Variants in WWP1 observed in about 807,000 individuals in gnomAD.
WWP1 encodes the protein WW domain containing E3 ubiquitin protein ligase 1.
In WWP1, 49 loss-of-function variants were observed where a neutral mutation model predicts 130.6. The observed-to-expected ratio is 0.38, with a 90% CI of 0.30 to 0.48. The LOEUF (loss-of-function observed/expected upper bound fraction) is 0.48. Among genes scored for constraint, WWP1 ranks in the 20% least tolerant of loss-of-function variants. The pLI, the probability that WWP1 is intolerant of heterozygous loss-of-function variation, is 0.99. For missense variants in WWP1, 809 were observed against 1,100.6 expected (o/e 0.74, Z 3.75); for synonymous variants, 332 against 367.8 (o/e 0.90, Z 1.11).
Position 86,432,563 on chromosome 8 carries a change from A to G in WWP1, c.1601+820A>G, listed in dbSNP as rs555442897. 1.4e-4 allele frequency among the ~76,000 whole-genome samples: 21 copies of G among 149,818 alleles called. No individual in the cohort carries two copies. The East Asian group carries it at 3.9e-3, about 28-fold the overall frequency. On this transcript the variant is annotated intron_variant, in intron 14 of 24. Coordinates refer to ENST00000517970, the MANE Select transcript of WWP1 (RefSeq NM_007013.4). ...ATAAAAAAAAAGCAAAAAAAAAAAGAAATTACAACTCTTCCCTTTACCAAT... is the reference window on the plus strand; with the variant it reads ...ATAAAAAAAAAGCAAAAAAAAAAAGGAATTACAACTCTTCCCTTTACCAAT...
intron 17 of WWP1, among the ~76,000 whole-genome samples, chr8:86,439,139 C>T (rs762929747): frequency 4.0e-5 from 6 of 151,804 alleles, no homozygotes; most frequent in Admixed American, 1.3e-4. Context: ...ATCAGGAGAT[C>T]GAGACCATCC....
intron 1 of WWP1, among the ~76,000 whole-genome samples, chr8:86,355,262 T>C (rs565558716): frequency 6.6e-6 from 1 of 152,302 alleles, no homozygotes; most frequent in Non-Finnish European, 1.5e-5. Context: ...ATCCTGATGA[T>C]GAGCACAGTG....
intron 5 of WWP1, among the ~76,000 whole-genome samples, chr8:86,390,161 A>C (rs1321104903): frequency 1.3e-5 from 2 of 151,140 alleles, no homozygotes; most frequent in Non-Finnish European, 2.9e-5. Flanking sequence ...CACGCTCCTC[A>C]CTTCCTAGAC....
intron 22 of WWP1, 60 bp from the exon 23 acceptor site, chr8:86,461,164 A>G (rs996171888): frequency 1.4e-6 from 2 of 1,424,326 alleles, no homozygotes; most frequent in Non-Finnish European, 2.0e-6. Context: ...AGTGTCTACT[A>G]CTTTCATGAT....
intron 9 of WWP1, among the ~76,000 whole-genome samples, chr8:86,416,006 T>G (rs1030669223): frequency 1.3e-5 from 2 of 152,336 alleles, no homozygotes; most frequent in African/African-American, 2.4e-5. Context: ...GGGCAAAAGC[T>G]CTGGCTGGTA....
chr8:86,426,917 G>A (rs1193437686), intron 10 of WWP1, among the ~76,000 whole-genome samples: 1 of 152,126 alleles, frequency 6.6e-6, no homozygotes, highest in Non-Finnish European at 1.5e-5. Flanking sequence ...CCCACACTTT[G>A]GGAGGCCAAG....
chr8:86,453,383 C>T (rs900004873), intron 21 of WWP1, among the ~76,000 whole-genome samples: 4 of 152,152 alleles, frequency 2.6e-5, no homozygotes, highest in Non-Finnish European at 4.4e-5. Context: ...CTTTTTTAGA[C>T]TGAATAATAC....
chr8:86,390,659 G>A (rs1044467826), intron 5 of WWP1, among the ~76,000 whole-genome samples: 3 of 151,600 alleles, frequency 2.0e-5, no homozygotes, highest in African/African-American at 4.9e-5. Context: ...GTCCAGCCTC[G>A]GCTCAGCATC....
intron 4 of WWP1, among the ~76,000 whole-genome samples, chr8:86,381,233 A>C (rs150143935): frequency 6.6e-6 from 1 of 152,172 alleles, no homozygotes; most frequent in Non-Finnish European, 1.5e-5. Context: ...CAGTGTTACT[A>C]TGAAGTCTCA....
chr8:86,390,956 T>G (rs1807301425), intron 5 of WWP1, among the ~76,000 whole-genome samples: 1 of 152,194 alleles, frequency 6.6e-6, no homozygotes, highest in Non-Finnish European at 1.5e-5. Context: ...TCTGATATAT[T>G]TGGGGTAATG....
At chr8:86,419,804 T>G (rs1809096955) in intron 9 of WWP1, among the ~76,000 whole-genome samples, 1 of 152,202 alleles carries the variant, frequency 6.6e-6, no homozygotes, top group Non-Finnish European at 1.5e-5. Context: ...TTTTAGTACA[T>G]TGGGGCCAAT....
chr8:86,347,521 A>T (rs1231017362), intron 1 of WWP1, among the ~76,000 whole-genome samples: 2 of 152,146 alleles, frequency 1.3e-5, no homozygotes, highest in Admixed American at 1.3e-4. Context: ...AATGTGTTAA[A>T]CTTTTGTACC....
intron 9 of WWP1, among the ~76,000 whole-genome samples, chr8:86,422,125 A>T (rs924056743): frequency 9.2e-5 from 14 of 152,182 alleles, no homozygotes; most frequent in African/African-American, 2.7e-4. Flanking sequence ...AAACTGATTT[A>T]TCACAAAATA....
rs1824992906 is a variant in WWP1, at chr8:86,381,614, A to T, written c.319A>T (p.Ile107Leu). The T allele has an allele frequency of 1.9e-6, 3 of 1,590,370 alleles. No individual in the cohort carries two copies. The African/African-American group carries it at 4.1e-5, about 22-fold the overall frequency. Residue 107 changes from isoleucine (I) to leucine (L), a missense_variant, in exon 5 of 25, where the codon ATA (isoleucine) becomes TTA (leucine). By Grantham distance (5) the Ile-to-Leu change is conservative. Around this residue, in one of 3 missense-constraint regions of WWP1, gnomAD observed 262 missense variants for 346.0 expected, o/e 0.76. Coordinates refer to ENST00000517970, the MANE Select transcript of WWP1 (RefSeq NM_007013.4). ...GATAGATTTGAAACAAGCTCTGTTG[A>T]TACACAATAGAAAATGTAAGTTTTT... ...ATIDLKQALL[I>L]HNRKLERVKE...
At chr8:86,364,583 C>A (rs1823849514) in intron 1 of WWP1, among the ~76,000 whole-genome samples, 1 of 151,806 alleles carries the variant, frequency 6.6e-6, no homozygotes, top group Admixed American at 6.6e-5. Flanking sequence ...GGGTGGGAGG[C>A]TCACTTGAGC....
At chr8:86,431,583 G>T in intron 13 of WWP1, 32 bp from the exon 14 acceptor site, 1 of 1,612,650 alleles carries the variant, frequency 6.2e-7, no homozygotes, top group Non-Finnish European at 8.5e-7. Flanking sequence ...CCTAGAAAAG[G>T]TTCATCTTGT....
rs774543446 is a variant in WWP1, at chr8:86,398,554, T to C, written c.473-18T>C. ...AGAAGTATATAAAAACCTAGTTTTTTTCTTTCTTGTTGTTCAGTAGAAATA... is the reference window on the plus strand; with the variant it reads ...AGAAGTATATAAAAACCTAGTTTTTCTCTTTCTTGTTGTTCAGTAGAAATA... On this transcript the variant is annotated intron_variant, in intron 6 of 24. Transcript: ENST00000517970. 8.7e-6 allele frequency: 14 copies of C among 1,611,576 alleles called. No homozygotes were observed. Among genetic ancestry groups the C allele is most frequent in the Non-Finnish European group, 1.1e-5 (13 of 1,179,428 alleles).
intron 9 of WWP1, among the ~76,000 whole-genome samples, chr8:86,415,574 T>C (rs749737674): frequency 4.6e-5 from 7 of 152,218 alleles, no homozygotes; most frequent in Non-Finnish European, 8.8e-5. Flanking sequence ...GTCTTGAATG[T>C]ACCATTATGA....
intron 7 of WWP1, 88 bp from the exon 8 acceptor site, chr8:86,401,930 TA>T (rs1301280586): frequency 1.6e-6 from 1 of 634,320 alleles, no homozygotes; most frequent in African/African-American, 7.8e-5. Context: ...AAAAGAAACT[TA>T]AGAGAATTTA....
Sources: gnomAD v4.1 joint callset for allele counts (sites outside exome capture counted in the v4.1 genomes callset) on GRCh38, gnomAD v4.1.1 for gene constraint, gnomAD v4.1.1 regional missense constraint, MANE v1.5 for transcripts, NCBI Gene and HGNC (gene_info 2026-07-23, HGNC 2026-07-21) for gene names.